Variants in ARHGEF3 observed in about 807,000 individuals in gnomAD.
ARHGEF3 encodes the protein 59.8 kDA protein.
A neutral mutation model predicts 63.2 loss-of-function variants in ARHGEF3; 28 were observed. That is an observed-to-expected ratio of 0.44 (90% CI 0.33 to 0.61). ARHGEF3 has a LOEUF of 0.61. Ranked by LOEUF, ARHGEF3 falls within the 20% of genes least tolerant of loss-of-function variation. The probability of loss-of-function intolerance (pLI) is 0.03; values close to 1 mark genes in which losing one functional copy is unlikely to be tolerated. For synonymous variants in ARHGEF3, 266 were observed against 254.2 expected, an observed-to-expected ratio of 1.05 and a Z score of -0.44; for missense variants, 533 against 659.3, an observed-to-expected ratio of 0.81 and a Z score of 2.10.
intron 3 of ARHGEF3, among the ~76,000 whole-genome samples, chr3:56,930,724 C>G (rs530589136): frequency 2.1e-4 from 32 of 152,212 alleles, no homozygotes; most frequent in African/African-American, 7.7e-4. Context: ...GTCTTTAAAC[C>G]AAAACCCTAA....
Position 56,751,359 on chromosome 3 carries a change from G to T in ARHGEF3, c.476C>A (p.Thr159Lys). The T allele has an allele frequency of 1.2e-6, 2 of 1,614,044 alleles. No individual in the cohort carries two copies. The highest frequency in any genetic ancestry group is 1.7e-6 in the Non-Finnish European group (2 of 1,179,954). Reference sequence around the variant, plus strand: ...AAAAATTTGATTCAACTCTTGTTCTGTCATTATGGAGAGTTTCAGCATGGG... The same window carrying T: ...AAAAATTTGATTCAACTCTTGTTCTTTCATTATGGAGAGTTTCAGCATGGG... ...HDPMLKLSIM[T>K]EQELNQIFGT... Residue 159 changes from threonine (T) to lysine (K), a missense_variant, in exon 5 of 10, where the codon ACA becomes AAA. Around this residue, in one of 4 missense-constraint regions of ARHGEF3, gnomAD observed 107 missense variants for 207.9 expected, o/e 0.51. Transcript: ENST00000296315.
intron 3 of ARHGEF3, among the ~76,000 whole-genome samples, chr3:56,888,352 T>C (rs1200637556): frequency 6.6e-6 from 1 of 152,064 alleles, no homozygotes; most frequent in Non-Finnish European, 1.5e-5. Context: ...TAATCCAAGA[T>C]TGATAACACC....
intron 1 of ARHGEF3, among the ~76,000 whole-genome samples, chr3:56,779,249 T>C (rs1172466253): frequency 2.1e-5 from 3 of 144,168 alleles, no homozygotes; most frequent in Non-Finnish European, 4.5e-5. Flanking sequence ...TCCTTGACCA[T>C]TTTAATATAT....
In ARHGEF3 at chr3:56,840,420, C is replaced by T. The variant is rs146991729; in HGVS notation, c.192+41872G>A. ...AGATGTGTCCAGTTTCCACACTCTA[C>T]AGGTAAGAAGGTTGAGGCTCCAAGT... is the stretch of plus-strand genomic sequence containing the variant. On this transcript the variant is annotated intron_variant, in intron 4 of 12. Transcript: ENST00000338458. Among the ~76,000 whole-genome samples the T allele has an allele frequency of 3.2e-3, 491 of 152,326 alleles. 2 individuals carry two copies. The highest frequency in any genetic ancestry group is 0.011 in the African/African-American group (461 of 41,580).
At position 56,839,017 on chromosome 3, in the gene ARHGEF3, T is replaced by C. The variant is rs368333745; in HGVS notation, c.192+43275A>G. On this transcript the variant is annotated intron_variant, in intron 4 of 12. Coordinates refer to the ARHGEF3 transcript ENST00000338458. The stretch of plus-strand genomic sequence containing the variant: ...TACTGGGCGTGGTGGTACACACCTG[T>C]AGTCCCAGCTACTCAGGAGGCTGAG... Among the ~76,000 whole-genome samples the C allele has an allele frequency of 7.1e-4, 108 of 152,168 alleles. 3 individuals are homozygous for C. In the South Asian group the frequency reaches 0.02, roughly 28 times the overall value.
intron 3 of ARHGEF3, among the ~76,000 whole-genome samples, chr3:56,915,757 G>C (rs1578834913): frequency 2.6e-5 from 4 of 151,984 alleles, no homozygotes; most frequent in Admixed American, 6.5e-5. Flanking sequence ...ATCACTTTAG[G>C]GAAATCTACA....
chr3:57,004,339 T>C (rs13062216), intron 2 of ARHGEF3, among the ~76,000 whole-genome samples: 22,032 of 152,266 alleles, frequency 0.14, 2,068 homozygotes, highest in Non-Finnish European at 0.21. Context: ...TTGCAAGAGA[T>C]AAAAAGCTGG....
At chr3:56,967,631 ATATAT>A (rs1330066026) in intron 2 of ARHGEF3, among the ~76,000 whole-genome samples, 3 of 87,380 alleles carry the variant, frequency 3.4e-5, no homozygotes, top group Admixed American at 2.2e-4. Flanking sequence ...ATATTATATA[ATATAT>A]ATTATATAAT....
chr3:56,786,797 G>A (rs954152017), intron 1 of ARHGEF3, among the ~76,000 whole-genome samples: 1 of 152,032 alleles, frequency 6.6e-6, no homozygotes, highest in Non-Finnish European at 1.5e-5. Flanking sequence ...ATCACTCTCA[G>A]CTAGTTTCAA....
rs558081732 is a variant in ARHGEF3 at position 56,988,635 on chromosome 3, T to G, written c.63-29746A>C. On this transcript the variant is annotated intron_variant, in intron 2 of 12. Transcript: ENST00000338458. ...CACAGTGCCCTGCATGTCCCAGTGT[T>G]GTTCCCTACTAGGACTGGCCAGTGA... Among the ~76,000 whole-genome samples the G allele has an allele frequency of 1.6e-4, 24 of 152,326 alleles. No homozygotes were observed. In the East Asian group the frequency reaches 2.5e-3, roughly 16 times the overall value.
intron 2 of ARHGEF3, among the ~76,000 whole-genome samples, chr3:57,000,402 G>A (rs1579057631): frequency 6.6e-6 from 1 of 151,382 alleles, no homozygotes; most frequent in Non-Finnish European, 1.5e-5. Flanking sequence ...AACAACTGAT[G>A]CTCACTGTAC....
chr3:56,849,180 T>C (rs2039589439), intron 4 of ARHGEF3, among the ~76,000 whole-genome samples: 1 of 152,226 alleles, frequency 6.6e-6, no homozygotes, highest in African/African-American at 2.4e-5. Context: ...TGTATGTTCC[T>C]GGGGATTACA....
chr3:56,768,056 AAT>A (rs201743587), intron 2 of ARHGEF3, among the ~76,000 whole-genome samples: 3 of 150,512 alleles, frequency 2.0e-5, no homozygotes, highest in South Asian at 2.1e-4. Context: ...CCCCAGCCTC[AAT>A]ATATATATAT....
chr3:57,001,570 G>C (rs767782164), intron 2 of ARHGEF3, among the ~76,000 whole-genome samples: 3 of 152,110 alleles, frequency 2.0e-5, no homozygotes, highest in Non-Finnish European at 4.4e-5. Flanking sequence ...CTTCAGTTCT[G>C]GCCAAATATG....
At chr3:57,072,472 G>A (rs1705964372) in intron 1 of ARHGEF3, among the ~76,000 whole-genome samples, 1 of 151,706 alleles carries the variant, frequency 6.6e-6, no homozygotes, top group African/African-American at 2.4e-5. Context: ...CAGGTGCGGT[G>A]GCTCATGTCC....
intron 1 of ARHGEF3, among the ~76,000 whole-genome samples, chr3:57,067,130 A>C (rs1452700612): frequency 6.6e-6 from 1 of 152,166 alleles, no homozygotes; most frequent in African/African-American, 2.4e-5. Flanking sequence ...ATTTTTTAAA[A>C]ACCACAAAAT....
At chr3:57,019,896 T>C (rs988586839) in intron 2 of ARHGEF3, among the ~76,000 whole-genome samples, 2 of 143,240 alleles carry the variant, frequency 1.4e-5, no homozygotes, top group African/African-American at 6.1e-5. Context: ...TCTATTTTCA[T>C]GATTGATTGA....
chr3:56,750,937 G>C lies in ARHGEF3; in HGVS notation c.612+119C>G, dbSNP rs146732458. 476 of 644,484 alleles carry C rather than the reference G, an allele frequency of 7.4e-4. 2 individuals are homozygous for C. In the African/African-American group the frequency reaches 8.6e-3, roughly 12 times the overall value. 39.9% of individuals were successfully genotyped at this position (644,484 alleles called of 1,614,324 possible). On this transcript the variant is annotated intron_variant, in intron 6 of 9. Transcript: ENST00000296315. Reference sequence around the variant, plus strand: ...AAATTTTACTAGGATTTTTTTTTCTGATGTGAAACCAACATTTGTAAAAAA... The same window carrying C: ...AAATTTTACTAGGATTTTTTTTTCTCATGTGAAACCAACATTTGTAAAAAA...
At chr3:56,794,478 G>A in intron 1 of ARHGEF3, among the ~76,000 whole-genome samples, 1 of 110,630 alleles carries the variant, frequency 9.0e-6, no homozygotes, top group Non-Finnish European at 1.7e-5. Flanking sequence ...ATAAGAGCGA[G>A]ACTCTATCTC....
Sources: gnomAD v4.1 joint callset for allele counts (sites outside exome capture counted in the v4.1 genomes callset) on GRCh38, gnomAD v4.1.1 for gene constraint, gnomAD v4.1.1 regional missense constraint, MANE v1.5 for transcripts, NCBI Gene and HGNC (gene_info 2026-07-23, HGNC 2026-07-21) for gene names.